Variants in MAP2 observed in about 807,000 individuals in gnomAD.
MAP2 encodes microtubule associated protein 2.
MAP2 carries 14 observed loss-of-function variants against 137.6 expected under a neutral mutation model. That is an observed-to-expected ratio of 0.10 (90% confidence interval 0.07 to 0.16). The LOEUF is 0.16. Ranked by LOEUF, MAP2 falls within the 10% of genes least tolerant of loss-of-function variation. The probability of loss-of-function intolerance (pLI) is 1.00; values close to 1 mark genes in which losing one functional copy is unlikely to be tolerated. For missense variants in MAP2, 2,088 were observed against 2,191.5 expected (o/e 0.95, Z 0.94); for synonymous variants, 786 against 782.3 (o/e 1.00, Z -0.08).
chr2:209,690,569 T>G, intron 7 of MAP2: 1 of 1,255,188 alleles, frequency 8.0e-7, no homozygotes, highest in Non-Finnish European at 1.0e-6. Context: ...TATTGTTCTG[T>G]GGTCATGATG....
intron 1 of MAP2, among the ~76,000 whole-genome samples, chr2:209,465,231 A>G (rs2149641399): frequency 6.6e-6 from 1 of 152,268 alleles, no homozygotes; most frequent in South Asian, 2.1e-4. Flanking sequence ...ATTTAGGAAA[A>G]TAATATAAAT....
At position 209,521,204 on chromosome 2, in the gene MAP2, C is replaced by T. The variant is rs116269237; in HGVS notation, c.-172+13563C>T. 1.2e-3 allele frequency among the ~76,000 whole-genome samples: 182 copies of T among 152,086 alleles called. 1 individual carries two copies. The highest frequency in any genetic ancestry group is 4.0e-3 in the African/African-American group (166 of 41,522). ...TGCCAAGAAGTGTGCTAGAAAAGAA[C>T]AAGAAAGACACAGTCTTGCTCACTT... is the stretch of plus-strand genomic sequence containing the variant. On this transcript the variant is annotated intron_variant, in intron 2 of 15. Coordinates refer to ENST00000682079, the MANE Select transcript of MAP2 (RefSeq NM_001375505.1).
intron 1 of MAP2, among the ~76,000 whole-genome samples, chr2:209,483,911 C>T (rs1352802916): frequency 1.3e-5 from 2 of 152,056 alleles, no homozygotes; most frequent in African/African-American, 4.8e-5. Flanking sequence ...TCTTAGAGGC[C>T]TCAGAGCACT....
intron 1 of MAP2, among the ~76,000 whole-genome samples, chr2:209,437,433 T>A (rs758937184): frequency 2.6e-4 from 40 of 151,768 alleles, no homozygotes; most frequent in Non-Finnish European, 1.5e-4. Context: ...AATCTGGGAC[T>A]TATAGTATAA....
Position 209,696,961 on chromosome 2 carries a change from G to T in MAP2, c.4432G>T (p.Ala1478Ser), listed in dbSNP as rs1399108700. 3 of 1,613,114 alleles carry T rather than the reference G, an allele frequency of 1.9e-6. No individual in the cohort carries two copies. Among genetic ancestry groups the T allele is most frequent in the Non-Finnish European group, 2.5e-6 (3 of 1,179,776 alleles). Reference sequence around the variant, plus strand: ...ACTTGCTAAAAAAACAGAAGTTCAGGCCCACTCTCCCTCCAGGAAATTCAT... The same window carrying T: ...ACTTGCTAAAAAAACAGAAGTTCAGTCCCACTCTCCCTCCAGGAAATTCAT... ...AELAKKTEVQ[A>S]HSPSRKFILK... The change falls in exon 10 of 16, where the codon GCC becomes TCC. Residue 1478 changes from alanine to serine, a missense_variant. Coordinates refer to ENST00000682079, the MANE Select transcript of MAP2 (RefSeq NM_001375505.1).
chr2:209,565,122 A>T (rs2073105945), intron 2 of MAP2, among the ~76,000 whole-genome samples: 1 of 152,230 alleles, frequency 6.6e-6, no homozygotes, highest in Non-Finnish European at 1.5e-5. Flanking sequence ...ATTTGCTATT[A>T]AATCTAGACT....
intron 7 of MAP2, among the ~76,000 whole-genome samples, chr2:209,682,576 T>C (rs1411151311): frequency 3.9e-5 from 6 of 152,092 alleles, no homozygotes; most frequent in Non-Finnish European, 5.9e-5. Context: ...TGGATTAGCA[T>C]TGAAGAGGAA....
At chr2:209,683,647 A>G (rs1237483159) in intron 7 of MAP2, among the ~76,000 whole-genome samples, 4 of 152,192 alleles carry the variant, frequency 2.6e-5, no homozygotes, top group Non-Finnish European at 5.9e-5. Context: ...ACTCAGCCCA[A>G]ATTCCATCAA....
intron 2 of MAP2, among the ~76,000 whole-genome samples, chr2:209,556,047 T>TC (rs2153323364): frequency 6.7e-6 from 1 of 148,646 alleles, no homozygotes; most frequent in South Asian, 2.2e-4. Context: ...CTTTTCTTTT[T>TC]TTTTTTTTTT....
intron 13 of MAP2, among the ~76,000 whole-genome samples, chr2:209,724,297 G>A (rs1309082510): frequency 6.6e-6 from 1 of 152,116 alleles, no homozygotes; most frequent in Non-Finnish European, 1.5e-5. Flanking sequence ...ATAATGTCCT[G>A]TGAGAGGAAG....
In MAP2 at chr2:209,693,524, G is replaced by A; in HGVS notation, c.1354G>A (p.Asp452Asn). The stretch of plus-strand genomic sequence containing the variant: ...GCTTGAAGAAAAAACCACCATTTCT[G>A]ACAAAGAAGCTGTGCCAAAAGAGAG... Reference protein sequence around the residue: ...LKLEEKTTISDKEAVPKESKP... With the variant: ...LKLEEKTTISNKEAVPKESKP... The change falls in exon 8 of 16, where the codon GAC becomes AAC. Residue 452 changes from aspartate to asparagine, a missense_variant. By Grantham distance (23) the Asp-to-Asn change is conservative. Coordinates refer to ENST00000682079, the MANE Select transcript of MAP2 (RefSeq NM_001375505.1). The A allele has an allele frequency of 1.9e-6, 3 of 1,610,104 alleles. No individual in the cohort carries two copies. The highest frequency in any genetic ancestry group is 2.5e-6 in the Non-Finnish European group (3 of 1,179,150).
At chr2:209,624,021 T>C (rs1050697717) in intron 3 of MAP2, among the ~76,000 whole-genome samples, 8 of 152,174 alleles carry the variant, frequency 5.3e-5, no homozygotes, top group African/African-American at 1.7e-4. Context: ...GCCCAGACCA[T>C]ATTTTTTGCT....
chr2:209,574,892 G>T (rs1377618175), intron 2 of MAP2, among the ~76,000 whole-genome samples: 1 of 152,084 alleles, frequency 6.6e-6, no homozygotes, highest in Non-Finnish European at 1.5e-5. Context: ...AAGAATACTA[G>T]GGGAAAGCAT....
intron 1 of MAP2, among the ~76,000 whole-genome samples, chr2:209,449,878 C>T (rs974984174): frequency 5.9e-5 from 9 of 152,076 alleles, no homozygotes; most frequent in Admixed American, 5.9e-4. Flanking sequence ...TATTATCTTC[C>T]ATTTGTTCTT....
intron 7 of MAP2, chr2:209,690,684 C>T: frequency 7.8e-7 from 1 of 1,289,544 alleles, no homozygotes; most frequent in Non-Finnish European, 1.0e-6. Context: ...GCTGCTAAGT[C>T]CTCAGACCAA....
At chr2:209,606,783 G>T (rs1190718606) in intron 3 of MAP2, among the ~76,000 whole-genome samples, 3 of 151,996 alleles carry the variant, frequency 2.0e-5, no homozygotes, top group Non-Finnish European at 4.4e-5. Context: ...TTGGAGCTAA[G>T]TAACTGCATA....
chr2:209,724,255 A>AT (rs1268504466), intron 13 of MAP2, among the ~76,000 whole-genome samples: 1 of 151,878 alleles, frequency 6.6e-6, no homozygotes, highest in African/African-American at 2.4e-5. Flanking sequence ...GCTTGATGGG[A>AT]TTTTTTTTCC....
In MAP2 at chr2:209,440,147, G is replaced by A. The variant is rs1333697524; in HGVS notation, c.-222+15871G>A. On this transcript the variant is annotated intron_variant, in intron 1 of 15. Transcript: ENST00000682079. ...TAATTTTTGTTTCCTTGTTTGTACA[G>A]TATTTGCAATATTTCATTCTCTTAT... Among the ~76,000 whole-genome samples, 9 of 151,480 alleles carry A rather than the reference G, an allele frequency of 5.9e-5. No homozygotes were observed. The South Asian group carries it at 1.9e-3, about 31-fold the overall frequency.
At position 209,632,888 on chromosome 2, in the gene MAP2, C is replaced by A. The variant is rs192543910; in HGVS notation, c.-30+7759C>A. ...CCTTTCAGTGGCCTTTGATTAGTTT[C>A]CCTCTTCCTGAAATTCTTTATAAAC... On this transcript the variant is annotated intron_variant, in intron 4 of 15. Transcript: ENST00000682079. Among the ~76,000 whole-genome samples, 403 of 152,226 alleles carry A rather than the reference C, an allele frequency of 2.6e-3. 2 individuals carry two copies. Among genetic ancestry groups the A allele is most frequent in the African/African-American group, 9.2e-3 (383 of 41,542 alleles).
Sources: allele counts gnomAD v4.1 joint callset (sites outside exome capture counted in the v4.1 genomes callset), GRCh38; gene constraint gnomAD v4.1.1; transcripts MANE v1.5; gene names NCBI Gene and HGNC (gene_info 2026-07-23, HGNC 2026-07-21).